Variants in HS6ST3 observed in about 807,000 individuals in gnomAD.
HS6ST3 encodes heparan-sulfate 6-O-sulfotransferase 3.
In HS6ST3, 12 loss-of-function variants were observed where a neutral mutation model predicts 36.7. The ratio of observed to expected loss-of-function variants is 0.33; its 90% CI spans 0.21 to 0.53. HS6ST3 has a LOEUF of 0.53. Ranked by LOEUF, HS6ST3 falls within the 20% of genes least tolerant of loss-of-function variation. The probability of loss-of-function intolerance (pLI) is 0.95; values close to 1 mark genes in which losing one functional copy is unlikely to be tolerated. For missense variants in HS6ST3, 584 were observed against 640.9 expected (o/e 0.91, Z 0.96); for synonymous variants, 240 against 257.5 (o/e 0.93, Z 0.65).
At position 96,712,358 on chromosome 13, in the gene HS6ST3, G is replaced by A. The variant is rs112673680; in HGVS notation, c.708-120132G>A. On this transcript the variant is annotated intron_variant, in intron 1 of 1. Transcript: ENST00000376705. Reference sequence around the variant, plus strand: ...AATGCTTGTAAGAATTTGGAATACCGGTAAAGGAGAGAAGAGACATCAGTT... The same window carrying A: ...AATGCTTGTAAGAATTTGGAATACCAGTAAAGGAGAGAAGAGACATCAGTT... Among the ~76,000 whole-genome samples the A allele has an allele frequency of 7.2e-4, 110 of 152,258 alleles. 2 individuals carry two copies. Among genetic ancestry groups the A allele is most frequent in the African/African-American group, 2.4e-3 (99 of 41,548 alleles).
At chr13:96,629,290 A>G (rs2056523660) in intron 1 of HS6ST3, among the ~76,000 whole-genome samples, 1 of 152,190 alleles carries the variant, frequency 6.6e-6, no homozygotes, top group African/African-American at 2.4e-5. Context: ...AAACTGTCTT[A>G]TACATCAATG....
In HS6ST3 at chr13:96,387,645, A is replaced by G. The variant is rs558196743; in HGVS notation, c.707+296076A>G. 3.3e-5 allele frequency among the ~76,000 whole-genome samples: 5 copies of G among 152,302 alleles called. No individual in the cohort carries two copies. The South Asian group carries it at 8.3e-4, about 25-fold the overall frequency. ...ATTTTGCTTTGTACTTCATTATTCT[A>G]TACTGGGGGAAAATGTGTTTACAGT... On this transcript the variant is annotated intron_variant, in intron 1 of 1. Transcript: ENST00000376705.
In HS6ST3 at chr13:96,119,989, A is replaced by AC. The variant is rs561953348; in HGVS notation, c.707+28422dup. On this transcript the variant is annotated intron_variant, in intron 1 of 1. Coordinates refer to ENST00000376705, the MANE Select transcript of HS6ST3 (RefSeq NM_153456.4). ...CTAACCCCTAGTACTTCAGAATGTG[A>AC]CCTTATTTGGAAATAAGATGGTTGC... Among the ~76,000 whole-genome samples, 248 of 152,246 alleles carry AC rather than the reference A, an allele frequency of 1.6e-3. 1 individual carries two copies. The highest frequency in any genetic ancestry group is 5.8e-3 in the African/African-American group (241 of 41,548).
chr13:96,144,732 C>T (rs1050334542), intron 1 of HS6ST3, among the ~76,000 whole-genome samples: 13 of 150,326 alleles, frequency 8.6e-5, no homozygotes, highest in South Asian at 4.2e-4. Flanking sequence ...TGTTGGTGTG[C>T]GCACCCATTA....
intron 1 of HS6ST3, among the ~76,000 whole-genome samples, chr13:96,377,353 A>AAAC (rs955117924): frequency 8.6e-5 from 13 of 151,878 alleles, no homozygotes; most frequent in Admixed American, 2.0e-4. Flanking sequence ...ACCCTGTCTC[A>AAAC]AACAACAACA....
intron 1 of HS6ST3, among the ~76,000 whole-genome samples, chr13:96,353,996 T>C (rs547422749): frequency 1.3e-5 from 2 of 152,304 alleles, no homozygotes; most frequent in Admixed American, 1.3e-4. Context: ...GAAATATTCC[T>C]TGATGTTTTG....
At chr13:96,437,203 GCACATCC>G (rs2055647228) in intron 1 of HS6ST3, among the ~76,000 whole-genome samples, 1 of 152,142 alleles carries the variant, frequency 6.6e-6, no homozygotes, top group Non-Finnish European at 1.5e-5. Context: ...TGTTCTTCAT[GCACATCC>G]AGATCAGGCC....
intron 1 of HS6ST3, among the ~76,000 whole-genome samples, chr13:96,261,057 T>G (rs1043804389): frequency 2.0e-5 from 3 of 152,122 alleles, no homozygotes; most frequent in Admixed American, 6.6e-5. Context: ...AATTCATATA[T>G]TTGGTCATAT....
chr13:96,385,240 C>T (rs987220445), intron 1 of HS6ST3, among the ~76,000 whole-genome samples: 1 of 150,144 alleles, frequency 6.7e-6, no homozygotes, highest in East Asian at 2.0e-4. Flanking sequence ...CAAGTGGAGA[C>T]GTTCTAGCTC....
intron 1 of HS6ST3, among the ~76,000 whole-genome samples, chr13:96,418,170 A>G (rs907897296): frequency 3.9e-5 from 6 of 152,186 alleles, no homozygotes; most frequent in Admixed American, 3.3e-4. Context: ...GAAATGCAAA[A>G]CACATGGCAC....
At chr13:96,491,204 T>C (rs1392897259) in intron 1 of HS6ST3, among the ~76,000 whole-genome samples, 1 of 152,092 alleles carries the variant, frequency 6.6e-6, no homozygotes, top group Non-Finnish European at 1.5e-5. Context: ...TATTTTTTGC[T>C]AACCAAACAC....
chr13:96,328,355 ATCAATACCTAATTTATT>A (rs2055044568), intron 1 of HS6ST3, among the ~76,000 whole-genome samples: 2 of 151,266 alleles, frequency 1.3e-5, no homozygotes, highest in Non-Finnish European at 3.0e-5. Flanking sequence ...AATACGTCCC[ATCAATACCTAATTTATT>A]GAGAGTTTTT....
intron 1 of HS6ST3, among the ~76,000 whole-genome samples, chr13:96,712,739 A>G (rs1264801407): frequency 1.3e-5 from 2 of 152,090 alleles, no homozygotes; most frequent in African/African-American, 4.8e-5. Context: ...AAGGCTTTCC[A>G]AGAATCTGAT....
intron 1 of HS6ST3, among the ~76,000 whole-genome samples, chr13:96,408,534 A>G (rs1450623170): frequency 6.6e-6 from 1 of 152,216 alleles, no homozygotes; most frequent in African/African-American, 2.4e-5. Flanking sequence ...AGGAATACAA[A>G]GAGAAAGAAG....
At chr13:96,629,928 ACT>A (rs2056526267) in intron 1 of HS6ST3, among the ~76,000 whole-genome samples, 1 of 148,314 alleles carries the variant, frequency 6.7e-6, no homozygotes, top group Admixed American at 6.7e-5. Flanking sequence ...CATCTTTTTC[ACT>A]CTTTTCTATT....
intron 1 of HS6ST3, among the ~76,000 whole-genome samples, chr13:96,440,985 G>A (rs1246767804): frequency 6.6e-6 from 1 of 152,138 alleles, no homozygotes; most frequent in Non-Finnish European, 1.5e-5. Flanking sequence ...TTGGAGGTGG[G>A]AACTTTGGAG....
At chr13:96,767,964 C>T (rs1435662872) in intron 1 of HS6ST3, among the ~76,000 whole-genome samples, 3 of 152,178 alleles carry the variant, frequency 2.0e-5, no homozygotes, top group Non-Finnish European at 4.4e-5. Flanking sequence ...CTTGTTCTGC[C>T]TCCTTTGGAA....
At chr13:96,136,135 G>A (rs1001019392) in intron 1 of HS6ST3, among the ~76,000 whole-genome samples, 5 of 152,220 alleles carry the variant, frequency 3.3e-5, no homozygotes, top group African/African-American at 9.6e-5. Context: ...ACACAGGTTT[G>A]TTTACCCTAT....
intron 1 of HS6ST3, among the ~76,000 whole-genome samples, chr13:96,203,109 G>T (rs1025295828): frequency 7.2e-5 from 11 of 152,148 alleles, no homozygotes; most frequent in Non-Finnish European, 2.9e-5. Flanking sequence ...AGCATGTTGG[G>T]CTTGACCTCT....
Sources: gnomAD v4.1 joint callset for allele counts (sites outside exome capture counted in the v4.1 genomes callset) on GRCh38, gnomAD v4.1.1 for gene constraint, MANE v1.5 for transcripts, NCBI Gene and HGNC (gene_info 2026-07-23, HGNC 2026-07-21) for gene names.